ADAMTSL3: variants seen among roughly 807,000 people sequenced by gnomAD.
ADAMTSL3 encodes the protein ADAMTS-like protein 3.
Under a neutral mutation model 201.7 loss-of-function variants are expected in ADAMTSL3, and 128 were observed. That is an observed-to-expected ratio of 0.63 (90% CI 0.55 to 0.73). ADAMTSL3 has a LOEUF of 0.73. Among genes scored for constraint, ADAMTSL3 ranks in the 30% least tolerant of loss-of-function variants. The pLI, the probability that ADAMTSL3 is intolerant of heterozygous loss-of-function variation, is 0.00. For synonymous variants in ADAMTSL3, 738 were observed against 748.4 expected (o/e 0.99, Z 0.23); for missense variants, 1,990 against 2,119.6 (o/e 0.94, Z 1.20).
chr15:83,986,665 C>A (rs1416536440), intron 21 of ADAMTSL3, among the ~76,000 whole-genome samples: 1 of 152,144 alleles, frequency 6.6e-6, no homozygotes, highest in African/African-American at 2.4e-5. Flanking sequence ...TCTTACAAAT[C>A]TTTTCAGTTG....
chr15:83,930,586 G>T (rs2066337109), intron 17 of ADAMTSL3, among the ~76,000 whole-genome samples: 1 of 152,160 alleles, frequency 6.6e-6, no homozygotes, highest in East Asian at 1.9e-4. Flanking sequence ...CTCTTCCTCA[G>T]CAATCTCTTG....
chr15:83,729,549 A>C (rs549174422), intron 3 of ADAMTSL3, among the ~76,000 whole-genome samples: 3 of 151,826 alleles, frequency 2.0e-5, no homozygotes, highest in East Asian at 3.9e-4. Flanking sequence ...ATTCTGATGC[A>C]TTCTTCTATT....
intron 2 of ADAMTSL3, among the ~76,000 whole-genome samples, chr15:83,676,167 G>C (rs551947957): frequency 6.6e-6 from 1 of 150,922 alleles, no homozygotes; most frequent in Admixed American, 6.6e-5. Flanking sequence ...CCATTTTCTT[G>C]GGGGTAGGAT....
intron 6 of ADAMTSL3, among the ~76,000 whole-genome samples, chr15:83,821,631 C>T (rs1209113599): frequency 2.0e-5 from 3 of 151,754 alleles, no homozygotes; most frequent in Non-Finnish European, 4.4e-5. Context: ...AAAAGTCTCC[C>T]ATGTCTACCT....
At chr15:83,683,088 C>G (rs2061495531) in intron 2 of ADAMTSL3, among the ~76,000 whole-genome samples, 1 of 152,202 alleles carries the variant, frequency 6.6e-6, no homozygotes, top group East Asian at 1.9e-4. Context: ...ATTGGCTCAA[C>G]AAAACTGGTC....
At chr15:83,911,393 G>A (rs1439662725) in intron 15 of ADAMTSL3, among the ~76,000 whole-genome samples, 1 of 152,174 alleles carries the variant, frequency 6.6e-6, no homozygotes, top group African/African-American at 2.4e-5. Flanking sequence ...TTCAAGAGAA[G>A]ACTGTTATCA....
At chr15:83,732,073 G>A (rs1027965307) in intron 3 of ADAMTSL3, among the ~76,000 whole-genome samples, 18 of 151,914 alleles carry the variant, frequency 1.2e-4, no homozygotes, top group African/African-American at 3.9e-4. Flanking sequence ...GTGAGGAGAT[G>A]GATATGTTAA....
intron 7 of ADAMTSL3, among the ~76,000 whole-genome samples, chr15:83,851,987 G>A (rs1255409290): frequency 6.6e-6 from 1 of 152,134 alleles, no homozygotes; most frequent in Non-Finnish European, 1.5e-5. Flanking sequence ...ATGTGTATGT[G>A]TGCACCTTTC....
rs561667935 is a variant in ADAMTSL3, at chr15:84,017,532, G to A, written c.4273+1033G>A. ...GCCTCTCATTTGCATAATGTATCATGCAGAATATAACTCTACCGGTAGAGA... is the reference window on the plus strand; with the variant it reads ...GCCTCTCATTTGCATAATGTATCATACAGAATATAACTCTACCGGTAGAGA... On this transcript the variant is annotated intron_variant, in intron 25 of 29. Transcript: ENST00000286744. 2.0e-5 allele frequency among the ~76,000 whole-genome samples: 3 copies of A among 152,276 alleles called. No homozygotes were observed. The East Asian group carries it at 5.8e-4, about 29-fold the overall frequency.
chr15:83,783,837 CTGTGTGTG>C (rs59071955), intron 4 of ADAMTSL3, among the ~76,000 whole-genome samples: 4 of 148,660 alleles, frequency 2.7e-5, no homozygotes, highest in Admixed American at 6.8e-5. Context: ...CATATATACT[CTGTGTGTG>C]TGTGTGTGTG....
chr15:83,899,902 C>G (rs1325995838), intron 15 of ADAMTSL3, among the ~76,000 whole-genome samples, 171 bp downstream of exon 15: 1 of 152,202 alleles, frequency 6.6e-6, no homozygotes, highest in Non-Finnish European at 1.5e-5. Context: ...CACAATTCAG[C>G]AGTCCTCCTT....
intron 19 of ADAMTSL3, among the ~76,000 whole-genome samples, chr15:83,966,234 T>C (rs2067082213): frequency 1.3e-5 from 2 of 152,026 alleles, no homozygotes; most frequent in South Asian, 4.2e-4. Context: ...AAAATATCAA[T>C]GAATCCCAGA....
chr15:83,699,553 C>T (rs565753765), intron 2 of ADAMTSL3, among the ~76,000 whole-genome samples: 2 of 152,234 alleles, frequency 1.3e-5, no homozygotes, highest in African/African-American at 4.8e-5. Context: ...ACTTTACCTT[C>T]TTCTAGCTCA....
At chr15:83,792,193 G>A (rs1407890051) in intron 4 of ADAMTSL3, among the ~76,000 whole-genome samples, 1 of 151,990 alleles carries the variant, frequency 6.6e-6, no homozygotes, top group Non-Finnish European at 1.5e-5. Context: ...TTAAAAAATG[G>A]GCAAAGGACC....
chr15:83,667,613 A>G (rs2061266684), intron 2 of ADAMTSL3, among the ~76,000 whole-genome samples: 1 of 146,692 alleles, frequency 6.8e-6, no homozygotes, highest in East Asian at 2.0e-4. Context: ...TCTGAGCAGG[A>G]CAGAGATTTC....
At chr15:83,674,591 T>C (rs2061368605) in intron 2 of ADAMTSL3, among the ~76,000 whole-genome samples, 1 of 151,070 alleles carries the variant, frequency 6.6e-6, no homozygotes, top group Admixed American at 6.6e-5. Context: ...TTCTAGATTC[T>C]TTGCATTTCC....
intron 3 of ADAMTSL3, among the ~76,000 whole-genome samples, chr15:83,771,107 ATT>A (rs2062975043): frequency 6.6e-6 from 1 of 150,742 alleles, no homozygotes; most frequent in African/African-American, 2.4e-5. Flanking sequence ...CCCACAAAAC[ATT>A]TGTCACATTG....
chr15:83,982,883 A>G lies in ADAMTSL3; in HGVS notation c.3255A>G (p.Lys1085=). ...ATAAGCAGTTTGAAGCAGCAGTTAA[A>G]CAAGGAGCATATAGCATGGATACAG... ...LKNKQFEAAV[K]QGAYSMDTAQ... The change falls in exon 21 of 30, where the codon AAA becomes AAG. Residue 1085 remains lysine, a synonymous_variant. Transcript: ENST00000286744. The G allele has an allele frequency of 6.2e-7, 1 of 1,614,080 alleles. No homozygotes were observed. The highest frequency in any genetic ancestry group is 2.2e-5 in the East Asian group (1 of 44,880).
intron 7 of ADAMTSL3, among the ~76,000 whole-genome samples, chr15:83,848,856 G>A (rs1401824938): frequency 1.3e-5 from 2 of 152,104 alleles, no homozygotes; most frequent in African/African-American, 2.4e-5. Flanking sequence ...CTTACCCAAC[G>A]CCTAATTGGC....
Sources: gnomAD v4.1 joint callset for allele counts (sites outside exome capture counted in the v4.1 genomes callset) on GRCh38, gnomAD v4.1.1 for gene constraint, MANE v1.5 for transcripts, NCBI Gene and HGNC (gene_info 2026-07-23, HGNC 2026-07-21) for gene names.